The following OSBPL9 variants were observed in gnomAD, a reference collection of about 807,000 sequenced individuals.
The protein encoded by OSBPL9 is oxysterol binding protein like 9.
OSBPL9 carries 40 observed loss-of-function variants against 106.6 expected under a neutral mutation model. The observed-to-expected ratio is 0.38, with a 90% CI of 0.29 to 0.49. OSBPL9 has a LOEUF of 0.49. Ranked by LOEUF, OSBPL9 falls within the 20% of genes least tolerant of loss-of-function variation. OSBPL9 has a pLI of 0.97. For synonymous variants in OSBPL9, 269 were observed against 295.4 expected, an observed-to-expected ratio of 0.91 and a Z score of 0.92; for missense variants, 609 against 887.2, an observed-to-expected ratio of 0.69 and a Z score of 3.98.
intron 2 of OSBPL9, among the ~76,000 whole-genome samples, chr1:51,600,850 G>C (rs376255137): frequency 6.6e-6 from 1 of 152,044 alleles, no homozygotes; most frequent in South Asian, 2.1e-4. Context: ...ATAGTGTCAG[G>C]GTATAGTAAA....
intron 3 of OSBPL9, among the ~76,000 whole-genome samples, chr1:51,703,082 T>A (rs1485673178): frequency 6.6e-6 from 1 of 152,240 alleles, no homozygotes; most frequent in Non-Finnish European, 1.5e-5. Flanking sequence ...GCTTGATGCC[T>A]CTAGGTTTGT....
the OSBPL9 span, among the ~76,000 whole-genome samples, chr1:51,559,710 T>C: frequency 6.6e-6 from 1 of 152,212 alleles, no homozygotes; most frequent in Non-Finnish European, 1.5e-5. Context: ...ATTTTGTATA[T>C]GAACAAAGAT....
intron 3 of OSBPL9, among the ~76,000 whole-genome samples, chr1:51,695,948 G>A (rs1482558074): frequency 6.6e-6 from 1 of 152,198 alleles, no homozygotes; most frequent in East Asian, 1.9e-4. Flanking sequence ...CATGTGAACA[G>A]TACATACAAT....
chr1:51,710,356 C>G lies in OSBPL9; in HGVS notation c.242-3647C>G, dbSNP rs532287486. On this transcript the variant is annotated intron_variant, in intron 3 of 23. Coordinates refer to ENST00000428468, the MANE Select transcript of OSBPL9 (RefSeq NM_024586.6). The stretch of plus-strand genomic sequence containing the variant: ...ATGTTCTGTGTTAGGTGTGCTGCTG[C>G]AAAACAATAAAAACAGGACACTGAG... Among the ~76,000 whole-genome samples the G allele has an allele frequency of 3.4e-4, 52 of 152,194 alleles. 1 individual carries two copies. Among genetic ancestry groups the G allele is most frequent in the African/African-American group, 1.2e-3 (51 of 41,524 alleles).
At chr1:51,711,631 G>A (rs1659966676) in intron 3 of OSBPL9, among the ~76,000 whole-genome samples, 1 of 140,608 alleles carries the variant, frequency 7.1e-6, no homozygotes, top group African/African-American at 2.8e-5. Context: ...CAGCTGCTGG[G>A]CGGAGGGGCT....
At chr1:51,765,790 T>C (rs774454300) in intron 11 of OSBPL9, 32 bp from the exon 12 acceptor site, 2 of 1,561,872 alleles carry the variant, frequency 1.3e-6, no homozygotes, top group Non-Finnish European at 1.7e-6. Flanking sequence ...CTTTCACCAA[T>C]ATTTTTCTCT....
intron 3 of OSBPL9, among the ~76,000 whole-genome samples, chr1:51,711,484 C>T (rs1181671717): frequency 4.5e-4 from 56 of 124,976 alleles, no homozygotes; most frequent in Non-Finnish European, 7.2e-4. Context: ...ACCTCCCTCC[C>T]GGACGGGGCG....
chr1:51,785,446 T>C, intron 20 of OSBPL9: 1 of 203,946 alleles, frequency 4.9e-6, no homozygotes, highest in South Asian at 1.2e-4. Flanking sequence ...TGACCCCCAG[T>C]GCCCATGTAA....
upstream of OSBPL9, among the ~76,000 whole-genome samples, chr1:51,572,660 G>C (rs2148595739): frequency 6.6e-6 from 1 of 152,294 alleles, no homozygotes; most frequent in East Asian, 1.9e-4. Context: ...CTTGCCAGCT[G>C]TGTATATAGC....
intron 2 of OSBPL9, among the ~76,000 whole-genome samples, chr1:51,607,041 C>T (rs529777587): frequency 6.6e-6 from 1 of 151,050 alleles, no homozygotes; most frequent in East Asian, 1.9e-4. Flanking sequence ...CAGAGTGAGA[C>T]TCCATCTCAA....
chr1:51,596,775 A>G (rs1645302089), intron 1 of OSBPL9, among the ~76,000 whole-genome samples: 1 of 152,042 alleles, frequency 6.6e-6, no homozygotes, highest in Non-Finnish European at 1.5e-5. Flanking sequence ...GCGAGACTCC[A>G]TCTCAAAAAA....
At chr1:51,782,668 C>T (rs781057604) in intron 17 of OSBPL9, 25 bp downstream of exon 17, 1 of 1,603,056 alleles carries the variant, frequency 6.2e-7, no homozygotes, top group Non-Finnish European at 8.5e-7. Context: ...TCCTCTGCAA[C>T]CTGTGCTCTC....
chr1:51,739,248 T>C (rs1022302217), intron 4 of OSBPL9, among the ~76,000 whole-genome samples: 2 of 152,064 alleles, frequency 1.3e-5, no homozygotes, highest in Middle Eastern at 3.4e-3. Context: ...GATATCCCAA[T>C]TGAAAAAAAA....
chr1:51,670,474 A>G (rs959928579), intron 3 of OSBPL9, among the ~76,000 whole-genome samples: 29 of 152,232 alleles, frequency 1.9e-4, no homozygotes, highest in Admixed American at 2.0e-4. Flanking sequence ...CAGATATGTT[A>G]TATGAGGTGT....
intron 3 of OSBPL9, among the ~76,000 whole-genome samples, chr1:51,689,358 ATT>A (rs201306726): frequency 6.6e-6 from 1 of 150,764 alleles, no homozygotes; most frequent in Non-Finnish European, 1.5e-5. Flanking sequence ...TCTAACAGGC[ATT>A]TTTTTTTCTT....
At chr1:51,564,561 G>A in the OSBPL9 span, among the ~76,000 whole-genome samples, 4 of 152,262 alleles carry the variant, frequency 2.6e-5, no homozygotes, top group African/African-American at 9.6e-5. Flanking sequence ...AGCCTCCAAG[G>A]CTTTGCTCTG....
At chr1:51,523,698 A>G in the OSBPL9 span, among the ~76,000 whole-genome samples, 1,251 of 152,340 alleles carry the variant, frequency 8.2e-3, 14 homozygotes, top group African/African-American at 0.029. Context: ...CCCTAAATCC[A>G]GGATGAGCCT....
intron 1 of OSBPL9, among the ~76,000 whole-genome samples, chr1:51,634,446 G>A (rs1175434779): frequency 6.6e-6 from 1 of 152,184 alleles, no homozygotes; most frequent in Non-Finnish European, 1.5e-5. Context: ...TCTGTGTCGA[G>A]GTTGTAGGGA....
At chr1:51,623,421 A>G (rs1644567609) in intron 1 of OSBPL9, among the ~76,000 whole-genome samples, 1 of 152,222 alleles carries the variant, frequency 6.6e-6, no homozygotes, top group African/African-American at 2.4e-5. Context: ...GAACTGGAAA[A>G]AGGAATAGCT....
Sources: allele counts gnomAD v4.1 joint callset (sites outside exome capture counted in the v4.1 genomes callset), GRCh38; gene constraint gnomAD v4.1.1; transcripts MANE v1.5; gene names NCBI Gene and HGNC (gene_info 2026-07-23, HGNC 2026-07-21).